The following FHIT variants were observed in gnomAD, a reference collection of about 807,000 sequenced individuals.
FHIT encodes the protein fragile histidine triad diadenosine triphosphatase.
A neutral mutation model predicts 17.9 loss-of-function variants in FHIT; 19 were observed. The observed-to-expected ratio is 1.06, with a 90% CI of 0.74 to 1.56. The LOEUF (loss-of-function observed/expected upper bound fraction) is 1.56, where lower values mean the gene tolerates loss of function less well. Ranked by LOEUF, FHIT falls within the 40% of genes most tolerant of loss-of-function variation. The pLI, the probability that FHIT is intolerant of heterozygous loss-of-function variation, is 0.00. For synonymous variants in FHIT, 81 were observed against 69.7 expected, an observed-to-expected ratio of 1.16 and a Z score of -0.81; for missense variants, 248 against 189.2, an observed-to-expected ratio of 1.31 and a Z score of -1.82.
Position 60,400,843 on chromosome 3 carries a change from C to A in FHIT, c.103+136017G>T, listed in dbSNP as rs553118975. 4.7e-4 allele frequency among the ~76,000 whole-genome samples: 72 copies of A among 152,100 alleles called. 3 individuals are homozygous for A. In the South Asian group the frequency reaches 0.015, roughly 31 times the overall value. On this transcript the variant is annotated intron_variant, in intron 5 of 9. Coordinates refer to ENST00000492590, the MANE Select transcript of FHIT (RefSeq NM_002012.4). ...GATTTTGTTAGTCTAAATTCAAAGT[C>A]TCTAAAAAACAAAATTGAATTAGCT...
intron 4 of FHIT, among the ~76,000 whole-genome samples, chr3:60,624,436 G>A (rs2039224737): frequency 6.6e-6 from 1 of 152,182 alleles, no homozygotes; most frequent in African/African-American, 2.4e-5. Context: ...CCCAAGTTAG[G>A]AAGCTGATGG....
chr3:60,047,505 C>G (rs1262506998), intron 5 of FHIT, among the ~76,000 whole-genome samples: 2 of 152,200 alleles, frequency 1.3e-5, no homozygotes, highest in African/African-American at 4.8e-5. Context: ...AACAGAGAAA[C>G]CAGACAACAG....
At chr3:59,894,099 C>G (rs1559705824) in intron 8 of FHIT, among the ~76,000 whole-genome samples, 1 of 151,918 alleles carries the variant, frequency 6.6e-6, no homozygotes, top group East Asian at 1.9e-4. Flanking sequence ...CAAAAAATAG[C>G]CTGGTGTGGT....
chr3:59,752,359 C>T, intron 8 of FHIT, 38 bp from the exon 9 acceptor site: 1 of 1,531,244 alleles, frequency 6.5e-7, no homozygotes, highest in East Asian at 2.3e-5. Flanking sequence ...CTTTCATGGG[C>T]CCTTGGGATC....
intron 4 of FHIT, among the ~76,000 whole-genome samples, chr3:60,605,793 A>G (rs1197657540): frequency 6.6e-6 from 1 of 152,184 alleles, no homozygotes; most frequent in African/African-American, 2.4e-5. Flanking sequence ...GAGTTTTGAG[A>G]AGGATACCTG....
intron 4 of FHIT, among the ~76,000 whole-genome samples, chr3:60,753,514 C>T (rs2042510938): frequency 6.6e-6 from 1 of 152,218 alleles, no homozygotes; most frequent in Admixed American, 6.5e-5. Flanking sequence ...GATCCACTCT[C>T]CAATTTCATT....
At chr3:60,740,617 T>A (rs782212506) in intron 4 of FHIT, among the ~76,000 whole-genome samples, 1 of 152,226 alleles carries the variant, frequency 6.6e-6, no homozygotes, top group African/African-American at 2.4e-5. Flanking sequence ...TACATTCATA[T>A]TATTTTGCAA....
At chr3:59,814,074 A>ACC (rs1553685406) in intron 8 of FHIT, among the ~76,000 whole-genome samples, 1 of 151,630 alleles carries the variant, frequency 6.6e-6, no homozygotes, top group Non-Finnish European at 1.5e-5. Flanking sequence ...ACACACACAC[A>ACC]CCCGACGGTG....
intron 3 of FHIT, among the ~76,000 whole-genome samples, chr3:60,926,012 T>G (rs1246448546): frequency 6.6e-6 from 1 of 152,196 alleles, no homozygotes; most frequent in African/African-American, 2.4e-5. Flanking sequence ...CTAACTACCC[T>G]AAATATATAT....
At chr3:59,985,375 T>TA (rs1708848631) in intron 7 of FHIT, among the ~76,000 whole-genome samples, 1 of 152,130 alleles carries the variant, frequency 6.6e-6, no homozygotes, top group Non-Finnish European at 1.5e-5. Context: ...TGTAAAACCT[T>TA]AGAGTATTAT....
intron 5 of FHIT, among the ~76,000 whole-genome samples, chr3:60,530,783 G>C (rs2035748244): frequency 6.6e-6 from 1 of 152,202 alleles, no homozygotes; most frequent in Non-Finnish European, 1.5e-5. Flanking sequence ...ATTCTCTGTG[G>C]TGGATTTTAG....
chr3:60,376,912 A>G (rs948883550), intron 5 of FHIT, among the ~76,000 whole-genome samples: 2 of 152,222 alleles, frequency 1.3e-5, no homozygotes, highest in African/African-American at 4.8e-5. Context: ...TCCAGAGAAC[A>G]CTGGTTATAA....
chr3:60,531,576 C>A (rs771475645), intron 5 of FHIT, among the ~76,000 whole-genome samples: 3 of 152,114 alleles, frequency 2.0e-5, no homozygotes, highest in African/African-American at 7.2e-5. Context: ...CCGCGCCCGG[C>A]CGAAAAGAAA....
intron 8 of FHIT, among the ~76,000 whole-genome samples, chr3:59,858,375 C>T (rs1007259690): frequency 2.0e-5 from 3 of 151,576 alleles, no homozygotes; most frequent in Admixed American, 6.6e-5. Flanking sequence ...TACAGGCGCC[C>T]GCCACTACGC....
At chr3:60,898,286 A>T (rs1437564884) in intron 3 of FHIT, among the ~76,000 whole-genome samples, 1 of 152,000 alleles carries the variant, frequency 6.6e-6, no homozygotes, top group Non-Finnish European at 1.5e-5. Flanking sequence ...CTTAGGATTT[A>T]AAAAAAATAT....
At chr3:60,377,196 C>A (rs923928563) in intron 5 of FHIT, among the ~76,000 whole-genome samples, 2 of 144,834 alleles carry the variant, frequency 1.4e-5, no homozygotes, top group African/African-American at 5.2e-5. Context: ...ACAGAGAAAG[C>A]CATTAAGCTT....
At chr3:60,551,442 G>GAGAAAGAA (rs151253587) in intron 4 of FHIT, among the ~76,000 whole-genome samples, 24 of 60,192 alleles carry the variant, frequency 4.0e-4, no homozygotes, top group South Asian at 2.1e-3. Context: ...GAAATATAGT[G>GAGAAAGAA]AGAAAGAAAG....
At chr3:60,102,416 G>A (rs936393749) in intron 5 of FHIT, among the ~76,000 whole-genome samples, 31 of 152,176 alleles carry the variant, frequency 2.0e-4, no homozygotes, top group African/African-American at 7.2e-4. Flanking sequence ...AACATGGGGC[G>A]AGTAAGCCAG....
intron 5 of FHIT, among the ~76,000 whole-genome samples, chr3:60,380,997 T>A (rs769598731): frequency 1.8e-4 from 27 of 152,198 alleles, no homozygotes; most frequent in South Asian, 2.1e-4. Flanking sequence ...TACTTACTGA[T>A]ATGACCAAGA....
Sources: gnomAD v4.1 joint callset for allele counts (sites outside exome capture counted in the v4.1 genomes callset) on GRCh38, gnomAD v4.1.1 for gene constraint, MANE v1.5 for transcripts, NCBI Gene and HGNC (gene_info 2026-07-23, HGNC 2026-07-21) for gene names.